ANO2: variants seen among roughly 807,000 people sequenced by gnomAD.
ANO2 encodes anoctamin 2.
Under a neutral mutation model 124.2 loss-of-function variants are expected in ANO2, and 101 were observed. That is an observed-to-expected ratio of 0.81 (90% CI 0.69 to 0.96). The LOEUF (loss-of-function observed/expected upper bound fraction) is 0.96, where lower values mean the gene tolerates loss of function less well. ANO2 is among the 40% of genes least tolerant of loss of function. ANO2 has a pLI of 0.00. For missense variants in ANO2, 1,293 were observed against 1,274.5 expected (o/e 1.01, Z -0.22); for synonymous variants, 486 against 482.5 (o/e 1.01, Z -0.09).
intron 14 of ANO2, among the ~76,000 whole-genome samples, chr12:5,655,832 C>T (rs573962338): frequency 5.9e-4 from 90 of 152,278 alleles, no homozygotes; most frequent in Admixed American, 1.6e-3. Context: ...CCTCTCATGT[C>T]GTGCAATGCT....
intron 1 of ANO2, among the ~76,000 whole-genome samples, chr12:5,931,795 A>G (rs1942403511): frequency 7.4e-6 from 1 of 134,794 alleles, no homozygotes; most frequent in Non-Finnish European, 1.6e-5. Flanking sequence ...GAAAGAAGGC[A>G]GACGAGTGAG....
At chr12:5,858,210 A>C (rs1349404475) in intron 3 of ANO2, among the ~76,000 whole-genome samples, 3 of 152,242 alleles carry the variant, frequency 2.0e-5, no homozygotes, top group Non-Finnish European at 2.9e-5. Context: ...ATGATATATT[A>C]GGGGTGACAG....
chr12:5,921,483 C>G (rs996150760), intron 2 of ANO2, 117 bp from the exon 3 acceptor site: 57 of 984,006 alleles, frequency 5.8e-5, no homozygotes, highest in South Asian at 2.3e-4. Context: ...GCCTCTCAGG[C>G]CCAAAGGCCC....
rs61059041 is a variant in ANO2, at chr12:5,636,605, T to TACACACACAC, written c.1621-1268_1621-1259dup. On this transcript the variant is annotated intron_variant, in intron 15 of 24. Transcript: ENST00000682330. This position sits in a 1 kb window ranked among gnomAD's most constrained non-coding sequence, Gnocchi z 4.6. ...CCTGAAAAAATAAGCTGTGCTGGACTACACACACACACACACACACACACA... is the reference window on the plus strand; with the variant it reads ...CCTGAAAAAATAAGCTGTGCTGGACTACACACACACACACACACACACACACACACACACA... Among the ~76,000 whole-genome samples, 2,046 of 118,538 alleles carry TACACACACAC rather than the reference T, an allele frequency of 0.017. 44 individuals carry two copies. The highest frequency in any genetic ancestry group is 0.046 in the East Asian group (165 of 3,574). The allele number at this position is 118,538 out of a possible 152,430, so 77.8% of individuals were successfully genotyped here. A position where few individuals can be genotyped will look rare whatever the true frequency, so the allele number is the denominator to read the frequency against.
chr12:5,634,401 C>T lies in ANO2; in HGVS notation c.1816+751G>A, dbSNP rs548883210. On this transcript the variant is annotated intron_variant, in intron 16 of 24. Transcript: ENST00000682330. ...AGGTTAACAAGAAGCTGGGGCTCCT[C>T]GTTACTAGGGTCAGAGAGGGAAATC... is the stretch of plus-strand genomic sequence containing the variant. 3.9e-5 allele frequency among the ~76,000 whole-genome samples: 6 copies of T among 152,262 alleles called. No homozygotes were observed. The South Asian group carries it at 1.0e-3, about 26-fold the overall frequency.
At chr12:5,600,782 T>C (rs1365006633) in intron 19 of ANO2, among the ~76,000 whole-genome samples, 2 of 152,110 alleles carry the variant, frequency 1.3e-5, no homozygotes, top group Admixed American at 6.5e-5. Context: ...ACTTGAAGTG[T>C]TTAAACGGGA....
intron 3 of ANO2, among the ~76,000 whole-genome samples, chr12:5,891,862 T>G (rs1191528676): frequency 6.6e-6 from 1 of 152,106 alleles, no homozygotes; most frequent in Non-Finnish European, 1.5e-5. Context: ...CAGATTTCCA[T>G]AACATAATAT....
chr12:5,827,730 GC>G, intron 7 of ANO2, 38 bp downstream of exon 7: 1 of 1,593,126 alleles, frequency 6.3e-7, no homozygotes, highest in East Asian at 2.3e-5. Flanking sequence ...AGCCGCCTCA[GC>G]GCCCGTCAGC....
intron 19 of ANO2, among the ~76,000 whole-genome samples, chr12:5,610,009 TTATC>T (rs1944409744): frequency 7.2e-6 from 1 of 139,578 alleles, no homozygotes; most frequent in Non-Finnish European, 1.5e-5. Flanking sequence ...ATAAGTATAT[TTATC>T]TATAATATAT....
At chr12:5,712,378 C>T (rs1483303357) in intron 14 of ANO2, among the ~76,000 whole-genome samples, 1 of 152,078 alleles carries the variant, frequency 6.6e-6, no homozygotes, top group Non-Finnish European at 1.5e-5. Flanking sequence ...GTCTACTTCC[C>T]AGTGTCCTTG....
At chr12:5,719,657 A>C (rs1257721124) in intron 14 of ANO2, among the ~76,000 whole-genome samples, 1 of 152,206 alleles carries the variant, frequency 6.6e-6, no homozygotes, top group Non-Finnish European at 1.5e-5. Flanking sequence ...TCTTGATCTT[A>C]GCCTTCCCAG....
chr12:5,693,951 C>T (rs995354719), intron 14 of ANO2, among the ~76,000 whole-genome samples: 1 of 152,148 alleles, frequency 6.6e-6, no homozygotes, highest in Non-Finnish European at 1.5e-5. Context: ...CTTCATGGTA[C>T]ATATTGCTAG....
chr12:5,874,496 TCAAATCCATAC>T (rs1412574536), intron 3 of ANO2, among the ~76,000 whole-genome samples: 1 of 152,206 alleles, frequency 6.6e-6, no homozygotes, highest in Non-Finnish European at 1.5e-5. Context: ...CAACAGGGCC[TCAAATCCATAC>T]AAGCCTCTCT....
At chr12:5,731,688 C>T (rs1161814848) in intron 14 of ANO2, among the ~76,000 whole-genome samples, 1 of 152,016 alleles carries the variant, frequency 6.6e-6, no homozygotes, top group Non-Finnish European at 1.5e-5. Flanking sequence ...CCCCAACATA[C>T]ATACTCTGAG....
In ANO2 at chr12:5,799,544, C is replaced by T. The variant is rs369302754; in HGVS notation, c.1018G>A (p.Gly340Arg). ...KLLYQEWARY[G>R]VFYKFQPIDL... ...ATAGGTTGGAACTTATAGAACACTC[C>T]ATAGCGCGCCCATTCTTGATATAGC... The change falls in exon 10 of 25, where the codon GGA (glycine) becomes AGA (arginine). Residue 340 changes from glycine to arginine, a missense_variant. Transcript: ENST00000682330. 17 of 1,613,848 alleles carry T rather than the reference C, an allele frequency of 1.1e-5. No homozygotes were observed. In the African/African-American group the frequency reaches 2.0e-4, roughly 19 times the overall value.
At chr12:5,584,108 T>C in intron 20 of ANO2, 1 of 214,652 alleles carries the variant, frequency 4.7e-6, no homozygotes, top group Non-Finnish European at 1.0e-5. Flanking sequence ...TGGCTCCCTG[T>C]GTCATTCCTT....
intron 3 of ANO2, among the ~76,000 whole-genome samples, chr12:5,899,984 C>CG (rs1940073352): frequency 6.6e-6 from 1 of 152,170 alleles, no homozygotes; most frequent in Non-Finnish European, 1.5e-5. Context: ...ATTCCAAATT[C>CG]ATCAGCATCT....
chr12:5,846,442 G>C (rs1045345422), intron 4 of ANO2, among the ~76,000 whole-genome samples: 1 of 152,196 alleles, frequency 6.6e-6, no homozygotes, highest in Non-Finnish European at 1.5e-5. Context: ...TTGGAATACA[G>C]AGAAAGCCAA....
intron 14 of ANO2, among the ~76,000 whole-genome samples, chr12:5,705,241 G>C (rs1009230346): frequency 6.6e-6 from 1 of 152,032 alleles, no homozygotes; most frequent in East Asian, 1.9e-4. Context: ...AAACCTAATA[G>C]AGAGCAAATC....
Sources: allele counts gnomAD v4.1 joint callset (sites outside exome capture counted in the v4.1 genomes callset), GRCh38; gene constraint gnomAD v4.1.1; non-coding constraint Gnocchi (gnomAD v3.1); transcripts MANE v1.5; gene names NCBI Gene and HGNC (gene_info 2026-07-23, HGNC 2026-07-21).